The following MRPS5 variants were observed in gnomAD, a reference collection of about 807,000 sequenced individuals.
MRPS5 encodes mitochondrial ribosomal protein S5.
MRPS5 carries 27 observed loss-of-function variants against 51.9 expected under a neutral mutation model. The ratio of observed to expected loss-of-function variants is 0.52; its 90% confidence interval spans 0.38 to 0.72. The LOEUF is 0.72. Ranked by LOEUF, MRPS5 falls within the 30% of genes least tolerant of loss-of-function variation. The probability of loss-of-function intolerance (pLI) is 0.00; values close to 1 mark genes in which losing one functional copy is unlikely to be tolerated. For missense variants in MRPS5, 570 were observed against 545.7 expected (o/e 1.04, Z -0.44); for synonymous variants, 196 against 193.2 (o/e 1.01, Z -0.12).
chr2:95,116,818 G>A (rs1427086941), intron 2 of MRPS5, among the ~76,000 whole-genome samples: 1 of 152,200 alleles, frequency 6.6e-6, no homozygotes, highest in Admixed American at 6.5e-5. Flanking sequence ...CCAACGTGGT[G>A]AAACCCCGTC....
chr2:95,106,512 T>C (rs765172060), intron 5 of MRPS5, 55 bp from the exon 6 acceptor site: 3 of 1,456,998 alleles, frequency 2.1e-6, no homozygotes, highest in Non-Finnish European at 1.9e-6. Flanking sequence ...ACAATTAACA[T>C]GAAAGCATTT....
At position 95,112,591 on chromosome 2, in the gene MRPS5, G is replaced by T. The variant is rs116460675; in HGVS notation, c.277+2475C>A. 1.9e-3 allele frequency among the ~76,000 whole-genome samples: 284 copies of T among 152,276 alleles called. 1 individual carries two copies. The highest frequency in any genetic ancestry group is 2.7e-3 in the Non-Finnish European group (184 of 68,030). On this transcript the variant is annotated intron_variant, in intron 3 of 11. Transcript: ENST00000272418. ...AAAGTGTGTCCTTCTATTTCTTGGA[G>T]ATTCAGAAATCAAAGACTATTTCCT... is the stretch of plus-strand genomic sequence containing the variant.
intron 1 of MRPS5, among the ~76,000 whole-genome samples, chr2:95,119,477 TG>T (rs1676379772): frequency 6.6e-6 from 1 of 152,022 alleles, no homozygotes; most frequent in South Asian, 2.1e-4. Context: ...CCAGGCATGA[TG>T]GAACACATCT....
chr2:95,092,625 G>C (rs1675501359), intron 10 of MRPS5: 3 of 152,132 alleles, frequency 2.0e-5, no homozygotes, highest in African/African-American at 7.2e-5. Context: ...CCGATACATA[G>C]GTAATGGTCT....
intron 2 of MRPS5, among the ~76,000 whole-genome samples, chr2:95,115,861 G>A (rs1321182973): frequency 6.6e-6 from 1 of 151,778 alleles, no homozygotes; most frequent in Non-Finnish European, 1.5e-5. Context: ...ATTCCATCAT[G>A]CAGCATACAC....
rs150913327 is a variant in MRPS5 at position 95,106,102 on chromosome 2, G to C, written c.672+321C>G. Among the ~76,000 whole-genome samples the C allele has an allele frequency of 7.6e-4, 115 of 152,278 alleles. 2 individuals are homozygous for C. The highest frequency in any genetic ancestry group is 2.6e-3 in the African/African-American group (106 of 41,554). On this transcript the variant is annotated intron_variant, in intron 6 of 11. Coordinates refer to ENST00000272418, the MANE Select transcript of MRPS5 (RefSeq NM_031902.5). ...CTGCATAGACTGCTAGATACAGCTG[G>C]TTTATAATTCAAACATAGACTCCCA...
intron 6 of MRPS5, among the ~76,000 whole-genome samples, chr2:95,105,622 T>G (rs1675928114): frequency 6.6e-6 from 1 of 152,006 alleles, no homozygotes; most frequent in African/African-American, 2.4e-5. Flanking sequence ...GGTGCATAGC[T>G]GTCTCTTCCC....
At chr2:95,091,634 C>T (rs1444328961) in intron 10 of MRPS5, 1 of 152,196 alleles carries the variant, frequency 6.6e-6, no homozygotes, top group African/African-American at 2.4e-5. Flanking sequence ...TCGGCACACA[C>T]CTCTTCTGCT....
intron 7 of MRPS5, among the ~76,000 whole-genome samples, chr2:95,102,469 C>T (rs1452532756): frequency 6.6e-6 from 1 of 151,968 alleles, no homozygotes; most frequent in African/African-American, 2.4e-5. Context: ...CAAGATGAGC[C>T]CGGGCAACAT....
intron 11 of MRPS5, among the ~76,000 whole-genome samples, chr2:95,088,486 C>T (rs1013125936): frequency 5.3e-5 from 8 of 152,162 alleles, no homozygotes; most frequent in Admixed American, 3.3e-4. Flanking sequence ...ATGTCAATCC[C>T]GTGATCCCAG....
chr2:95,111,301 C>G (rs1326148423), intron 3 of MRPS5, among the ~76,000 whole-genome samples: 1 of 152,174 alleles, frequency 6.6e-6, no homozygotes, highest in Non-Finnish European at 1.5e-5. Context: ...ATTTTTCTCT[C>G]TAAGTGCTAA....
chr2:95,116,768 G>A (rs1272794359), intron 2 of MRPS5, among the ~76,000 whole-genome samples: 1 of 152,234 alleles, frequency 6.6e-6, no homozygotes, highest in East Asian at 1.9e-4. Flanking sequence ...AGGCCAAGGC[G>A]GGTGGCTCAC....
rs144668683 is a variant in MRPS5, at chr2:95,121,037, G to C, written c.58+697C>G. Among the ~76,000 whole-genome samples the C allele has an allele frequency of 7.1e-3, 1,085 of 152,252 alleles. 50 individuals are homozygous for C. Among genetic ancestry groups the C allele is most frequent in the Admixed American group, 0.056 (864 of 15,298 alleles). ...GGAGGCTGAGGCAGGAGAATCGCTTGAACCCGGGAGGCGGAGGTTGCAGTG... is the reference window on the plus strand; with the variant it reads ...GGAGGCTGAGGCAGGAGAATCGCTTCAACCCGGGAGGCGGAGGTTGCAGTG... On this transcript the variant is annotated intron_variant, in intron 1 of 11. Transcript: ENST00000272418.
intron 7 of MRPS5, among the ~76,000 whole-genome samples, chr2:95,103,087 C>G (rs1558681122): frequency 6.6e-6 from 1 of 152,114 alleles, no homozygotes; most frequent in Non-Finnish European, 1.5e-5. Flanking sequence ...GCTTTCTAAG[C>G]AAGACACAAA....
intron 3 of MRPS5, among the ~76,000 whole-genome samples, chr2:95,114,321 G>C (rs1307302089): frequency 1.3e-5 from 2 of 150,184 alleles, no homozygotes; most frequent in Non-Finnish European, 3.0e-5. Context: ...GCAGTGGCAC[G>C]ATCTCAGCTC....
At chr2:95,094,755 G>A (rs772557021) in intron 10 of MRPS5, among the ~76,000 whole-genome samples, 6 of 152,116 alleles carry the variant, frequency 3.9e-5, no homozygotes, top group Non-Finnish European at 7.3e-5. Flanking sequence ...AGGAACAACC[G>A]GTACCAGCCA....
At chr2:95,101,822 CT>C in intron 7 of MRPS5, 99 bp from the exon 8 acceptor site, 1 of 738,602 alleles carries the variant, frequency 1.4e-6, no homozygotes. Flanking sequence ...TTTCACAGCA[CT>C]TCATCTTTCC....
At chr2:95,111,536 G>C (rs1448453647) in intron 3 of MRPS5, among the ~76,000 whole-genome samples, 1 of 152,122 alleles carries the variant, frequency 6.6e-6, no homozygotes, top group African/African-American at 2.4e-5. Flanking sequence ...TATATAGTAA[G>C]AGGAAAATAA....
intron 8 of MRPS5, among the ~76,000 whole-genome samples, chr2:95,101,332 C>T (rs920134721): frequency 2.3e-4 from 35 of 149,852 alleles, no homozygotes; most frequent in African/African-American, 7.7e-4. Context: ...TGCAGTGAGC[C>T]GAGATCGTGC....
Sources: allele counts gnomAD v4.1 joint callset (sites outside exome capture counted in the v4.1 genomes callset), GRCh38; gene constraint gnomAD v4.1.1; transcripts MANE v1.5; gene names NCBI Gene and HGNC (gene_info 2026-07-23, HGNC 2026-07-21).